FGFR2: variants seen among roughly 807,000 people sequenced by gnomAD.
The protein encoded by FGFR2 is fibroblast growth factor receptor 2.
In FGFR2, 19 loss-of-function variants were observed where a neutral mutation model predicts 95.9. The observed-to-expected ratio is 0.20, with a 90% CI of 0.14 to 0.29. The LOEUF (loss-of-function observed/expected upper bound fraction) is 0.29, where lower values mean the gene tolerates loss of function less well. Among genes scored for constraint, FGFR2 ranks in the 10% least tolerant of loss-of-function variants. The pLI is 1.00. For missense variants in FGFR2, 707 were observed against 1,056.9 expected, an observed-to-expected ratio of 0.67 and a Z score of 4.59; for synonymous variants, 392 against 393.3, an observed-to-expected ratio of 1.00 and a Z score of 0.04.
In FGFR2 at chr10:121,479,501, TGTAA is replaced by T. The variant is rs1272256639; in HGVS notation, c.*352_*355del. 2 of 1,139,654 alleles carry T rather than the reference TGTAA, an allele frequency of 1.8e-6. No individual in the cohort carries two copies. Among genetic ancestry groups the T allele is most frequent in the Non-Finnish European group, 2.5e-6 (2 of 794,728 alleles). The allele number at this position is 1,139,654 out of a possible 1,614,324, so 70.6% of individuals were successfully genotyped here. A position where few individuals can be genotyped will look rare whatever the true frequency, so the allele number is the denominator to read the frequency against. The stretch of plus-strand genomic sequence containing the variant: ...GCACCTATATACTGCATTTGTGCTC[TGTAA>T]GTGTGTGCTGACATAAATCTTCTCC... On this transcript the variant is annotated 3_prime_UTR_variant, in exon 18 of 18. Coordinates refer to ENST00000358487, the MANE Select transcript of FGFR2 (RefSeq NM_000141.5).
intron 4 of FGFR2, among the ~76,000 whole-genome samples, chr10:121,553,210 A>T (rs1378802338): frequency 6.6e-6 from 1 of 152,184 alleles, no homozygotes; most frequent in Non-Finnish European, 1.5e-5. Flanking sequence ...TGATGCTGAA[A>T]CAGTGGGAAG....
chr10:121,529,358 C>T (rs1851803174), intron 6 of FGFR2, among the ~76,000 whole-genome samples: 2 of 152,314 alleles, frequency 1.3e-5, no homozygotes, highest in South Asian at 4.1e-4. Context: ...GATCCACCTG[C>T]CTCAGCCTCT....
At position 121,485,669 on chromosome 10, in the gene FGFR2, T is replaced by A; in HGVS notation, c.2058-137A>T. 1 of 1,068,788 alleles carries A rather than the reference T, an allele frequency of 9.4e-7. No individual in the cohort carries two copies. Among genetic ancestry groups the A allele is most frequent in the Non-Finnish European group, 1.4e-6 (1 of 717,892 alleles). 66.2% of individuals were successfully genotyped at this position (1,068,788 alleles called of 1,614,324 possible). A position where few individuals can be genotyped will look rare whatever the true frequency, so the allele number is the denominator to read the frequency against. ...GGGCCCTCCTGCAGTTCCTCCTATGTGCTCTTTCCTGCCCTGCAAGAGCAT... is the reference window on the plus strand; with the variant it reads ...GGGCCCTCCTGCAGTTCCTCCTATGAGCTCTTTCCTGCCCTGCAAGAGCAT... On this transcript the variant is annotated intron_variant, in intron 15 of 17. Transcript: ENST00000358487. The surrounding 1 kb of genome is among the most constrained non-coding windows in gnomAD (Gnocchi z 4.2).
At chr10:121,545,258 A>G (rs1306379214) in intron 5 of FGFR2, among the ~76,000 whole-genome samples, 2 of 152,172 alleles carry the variant, frequency 1.3e-5, no homozygotes, top group Non-Finnish European at 2.9e-5. Context: ...GCTTTTGGGG[A>G]GCCATTACTT....
At chr10:121,539,195 TA>T (rs1249847892) in intron 5 of FGFR2, among the ~76,000 whole-genome samples, 1 of 152,230 alleles carries the variant, frequency 6.6e-6, no homozygotes, top group Non-Finnish European at 1.5e-5. Context: ...CTGCCGTAGC[TA>T]ATTCATTTCT....
chr10:121,508,704 C>T (rs371559601), intron 9 of FGFR2, among the ~76,000 whole-genome samples: 7 of 152,104 alleles, frequency 4.6e-5, no homozygotes, highest in Non-Finnish European at 8.8e-5. Flanking sequence ...AGATGAAGTA[C>T]GGAGATTCAG....
rs759078695 is a variant in FGFR2 at position 121,515,115 on chromosome 10, T to C, written c.1287+2A>G. On this transcript the variant is annotated splice_donor_variant, in intron 9 of 17. Transcript: ENST00000358487. LOFTEE classifies it high-confidence loss of function. ...ATTTCTTTAAACTCTTTATCTACTT[T>C]CTGTTACCTGTCTCCGCAGGGGGAT... 26 of 1,613,820 alleles carry C rather than the reference T, an allele frequency of 1.6e-5. No individual in the cohort carries two copies. Among genetic ancestry groups the C allele is most frequent in the Non-Finnish European group, 2.2e-5 (26 of 1,179,850 alleles).
At chr10:121,574,812 T>C (rs1859454427) in intron 2 of FGFR2, among the ~76,000 whole-genome samples, 1 of 152,068 alleles carries the variant, frequency 6.6e-6, no homozygotes, top group African/African-American at 2.4e-5. Flanking sequence ...AATATAAAGG[T>C]GAAAGTTCTC....
chr10:121,479,616 A>T lies in FGFR2; in HGVS notation c.*241T>A, dbSNP rs751685012. On this transcript the variant is annotated 3_prime_UTR_variant, in exon 18 of 18. Transcript: ENST00000358487. ...ACAGCCAGTACGCACGGCAGGTGAG[A>T]GGGGTTACATGGTGGCTTGTGGCAG... 7 of 1,551,622 alleles carry T rather than the reference A, an allele frequency of 4.5e-6. No homozygotes were observed. The South Asian group carries it at 7.1e-5, about 16-fold the overall frequency.
intron 9 of FGFR2, among the ~76,000 whole-genome samples, chr10:121,509,650 A>G (rs531726687): frequency 6.6e-6 from 1 of 151,532 alleles, no homozygotes; most frequent in African/African-American, 2.4e-5. Flanking sequence ...CGCCCAGCTA[A>G]TTTTGTATTT....
Position 121,593,057 on chromosome 10 carries a change from A to T in FGFR2, c.109+652T>A, listed in dbSNP as rs561736654. On this transcript the variant is annotated intron_variant, in intron 2 of 17. Transcript: ENST00000358487. ...TGAAAATTAAATTTCCAAAGCTGTG[A>T]CACCGGCGCATGCCCTGTGATACTT... 2.0e-4 allele frequency among the ~76,000 whole-genome samples: 31 copies of T among 152,260 alleles called. No homozygotes were observed. In the South Asian group the frequency reaches 6.4e-3, roughly 32 times the overall value.
chr10:121,553,788 G>A (rs1322921535), intron 4 of FGFR2, among the ~76,000 whole-genome samples: 1 of 152,026 alleles, frequency 6.6e-6, no homozygotes. Flanking sequence ...ATACCATTAG[G>A]CATGATTTTT....
intron 6 of FGFR2, among the ~76,000 whole-genome samples, chr10:121,534,144 G>T (rs182786327): frequency 7.1e-6 from 1 of 140,910 alleles, no homozygotes; most frequent in Admixed American, 7.3e-5. Context: ...TGTCGCCCAG[G>T]CTGGAGTGCA....
rs1396687223 is a variant in FGFR2, at chr10:121,565,558, C to T, written c.256G>A (p.Val86Met). 1.2e-6 allele frequency: 2 copies of T among 1,614,106 alleles called. No individual in the cohort carries two copies. Among genetic ancestry groups the T allele is most frequent in the African/African-American group, 1.3e-5 (1 of 74,934 alleles). ...GVHLGPNNRT[V>M]LIGEYLQIKG... ...ATCTGCAAGTACTCCCCAATAAGCA[C>T]TGTCCTATTGTTGGGCCCCAAGTGC... Residue 86 changes from valine (V) to methionine (M), a missense_variant, in exon 3 of 18, where the codon GTG becomes ATG. Val to Met is a conservative substitution (Grantham distance 21, BLOSUM62 1). Around this residue, in one of 7 missense-constraint regions of FGFR2, gnomAD observed 178 missense variants for 194.1 expected, o/e 0.92. Coordinates refer to ENST00000358487, the MANE Select transcript of FGFR2 (RefSeq NM_000141.5).
At chr10:121,557,345 G>A (rs1002740311) in intron 4 of FGFR2, among the ~76,000 whole-genome samples, 29 of 152,140 alleles carry the variant, frequency 1.9e-4, no homozygotes, top group Admixed American at 1.0e-3. Context: ...GTCTTGCTCC[G>A]TTGCCCAGGC....
At chr10:121,556,151 T>C (rs1234291238) in intron 4 of FGFR2, among the ~76,000 whole-genome samples, 6 of 152,286 alleles carry the variant, frequency 3.9e-5, no homozygotes, top group Non-Finnish European at 8.8e-5. Flanking sequence ...GATGGACGGA[T>C]GGATGACTAT....
At chr10:121,593,618 T>G in intron 2 of FGFR2, 91 bp downstream of exon 2, 1 of 1,136,590 alleles carries the variant, frequency 8.8e-7, no homozygotes. Flanking sequence ...CCATTTACAA[T>G]GCAAGGGTAG....
At chr10:121,522,188 A>G (rs1218733151) in intron 6 of FGFR2, among the ~76,000 whole-genome samples, 1 of 152,248 alleles carries the variant, frequency 6.6e-6, no homozygotes, top group Non-Finnish European at 1.5e-5. Flanking sequence ...GTAAAGCAAG[A>G]TGAGCAAACT....
intron 8 of FGFR2, among the ~76,000 whole-genome samples, chr10:121,515,798 G>A (rs1176116252): frequency 1.3e-5 from 2 of 149,894 alleles, no homozygotes; most frequent in African/African-American, 2.5e-5. Context: ...AATTTAACCC[G>A]GATGAACACA....
Sources: allele counts gnomAD v4.1 joint callset (sites outside exome capture counted in the v4.1 genomes callset), GRCh38; gene constraint gnomAD v4.1.1; regional missense constraint gnomAD v4.1.1; non-coding constraint Gnocchi (gnomAD v3.1); transcripts MANE v1.5; gene names NCBI Gene and HGNC (gene_info 2026-07-23, HGNC 2026-07-21).